WDR4: variants seen among roughly 807,000 people sequenced by gnomAD.
WDR4 encodes the protein tRNA (guanine-N(7)-)-methyltransferase non-catalytic subunit WDR4.
WDR4 carries 47 observed loss-of-function variants against 48.6 expected under a neutral mutation model. The observed-to-expected ratio is 0.97, with a 90% CI of 0.77 to 1.23. The LOEUF (loss-of-function observed/expected upper bound fraction) is 1.23. Among genes scored for constraint, WDR4 ranks in the 50% most tolerant of loss-of-function variants. WDR4 has a pLI of 0.00. For synonymous variants in WDR4, 268 were observed against 230.0 expected, an observed-to-expected ratio of 1.17 and a Z score of -1.49; for missense variants, 606 against 551.6, an observed-to-expected ratio of 1.10 and a Z score of -0.99.
In WDR4 at chr21:42,863,455, A is replaced by G. The variant is rs568342485; in HGVS notation, c.438T>C (p.Ser146=). Residue 146 remains serine, a synonymous_variant, in exon 4 of 11, where the codon TCT becomes TCC. Coordinates refer to ENST00000398208, the MANE Select transcript of WDR4 (RefSeq NM_018669.6). ...GCGRLELGHL[S]MLLDVAVSPD... ...CCCCACCTACCACATCTAACAGCAT[A>G]GACAGGTGCCCCAGCTCTAGACGGC... is the stretch of plus-strand genomic sequence containing the variant. 4 of 1,613,108 alleles carry G rather than the reference A, an allele frequency of 2.5e-6. No homozygotes were observed. In the South Asian group the frequency reaches 4.4e-5, roughly 18 times the overall value.
At chr21:42,850,428 T>C (rs562232517) in intron 10 of WDR4, among the ~76,000 whole-genome samples, 186 bp from the exon 11 acceptor site, 2 of 152,300 alleles carry the variant, frequency 1.3e-5, no homozygotes, top group Admixed American at 6.5e-5. Flanking sequence ...TGGCTGGACC[T>C]GAGGACTGGC....
At chr21:42,858,950 G>A (rs184929318) in intron 6 of WDR4, among the ~76,000 whole-genome samples, 127 of 152,260 alleles carry the variant, frequency 8.3e-4, no homozygotes, top group South Asian at 1.9e-3. Context: ...CAACAATTCC[G>A]CAAGAGGACA....
intron 1 of WDR4, among the ~76,000 whole-genome samples, chr21:42,878,765 G>A (rs536984543): frequency 1.3e-5 from 2 of 152,194 alleles, no homozygotes; most frequent in African/African-American, 2.4e-5. Flanking sequence ...TAAAATTACG[G>A]AAAGCAAAAC....
rs758568034 is a variant in WDR4, at chr21:42,850,086, T to C, written c.1202A>G (p.Lys401Arg). 1.3e-5 allele frequency: 21 copies of C among 1,614,030 alleles called. No individual in the cohort carries two copies. Among genetic ancestry groups the C allele is most frequent in the Non-Finnish European group, 1.6e-5 (19 of 1,180,014 alleles). Residue 401 changes from lysine (K) to arginine (R), a missense_variant, in exon 11 of 11, where the codon AAG (lysine) becomes AGG (arginine). Physicochemically the swap from Lys to Arg is conservative, Grantham distance 26. Transcript: ENST00000398208. Reference protein sequence around the residue: ...SPPPGPDGHAKKMRPGEATLS... With the variant: ...SPPPGPDGHARKMRPGEATLS... ...CGTCGCCTCCCCCGGTCTCATCTTC[T>C]TGGCATGCCCGTCGGGCCCAGGCGG...
At position 42,873,674 on chromosome 21, in the gene WDR4, T is replaced by G. The variant is rs767238158; in HGVS notation, c.173A>C (p.Asp58Ala). 8 of 1,613,992 alleles carry G rather than the reference T, an allele frequency of 5.0e-6. No homozygotes were observed. Among genetic ancestry groups the G allele is most frequent in the Non-Finnish European group, 6.8e-6 (8 of 1,179,954 alleles). The change falls in exon 3 of 11, where the codon GAC (aspartate) becomes GCC (alanine). Residue 58 changes from aspartate (D) to alanine (A), a missense_variant. Coordinates refer to ENST00000398208, the MANE Select transcript of WDR4 (RefSeq NM_018669.6). ...QENKGEDAPL[D>A]QGSGAILAST... ...CGCCAGAATCGCACCGCTCCCCTGG[T>G]CCAAGGGCGCGTCCTCCCTGAGGAA... is the stretch of plus-strand genomic sequence containing the variant.
rs566392545 is a variant in WDR4, at chr21:42,862,490, C to T, written c.454-96G>A. 1.9e-5 allele frequency: 23 copies of T among 1,187,552 alleles called. No homozygotes were observed. In the Admixed American group the frequency reaches 2.1e-4, roughly 11 times the overall value. The allele number at this position is 1,187,552 out of a possible 1,614,324, so 73.6% of individuals were successfully genotyped here. ...GAAGGCAGGGAAGCTGCAGCCTGGCCGCCAAGAGGATGAGGCCTTCGAGGA... is the reference window on the plus strand; with the variant it reads ...GAAGGCAGGGAAGCTGCAGCCTGGCTGCCAAGAGGATGAGGCCTTCGAGGA... On this transcript the variant is annotated intron_variant, in intron 4 of 10. Transcript: ENST00000398208. The surrounding 1 kb of genome is among the most constrained non-coding windows in gnomAD (Gnocchi z 4.3).
At chr21:42,889,832 C>T in the WDR4 span, among the ~76,000 whole-genome samples, 1 of 152,166 alleles carries the variant, frequency 6.6e-6, no homozygotes, top group African/African-American at 2.4e-5. Context: ...ACTGCAACCT[C>T]GGCCTCCTGG....
chr21:42,871,394 C>T (rs947982145), intron 3 of WDR4, among the ~76,000 whole-genome samples: 3 of 152,242 alleles, frequency 2.0e-5, no homozygotes, highest in African/African-American at 7.2e-5. Flanking sequence ...CAAGGCCAAC[C>T]TACTAGAAAG....
At chr21:42,845,912 T>G (rs2057707228), downstream of WDR4, among the ~76,000 whole-genome samples, 1 of 152,188 alleles carries the variant, frequency 6.6e-6, no homozygotes, top group African/African-American at 2.4e-5. Context: ...GCAGGAGGAC[T>G]GCTTGAGGCC....
At chr21:42,878,881 A>C in intron 1 of WDR4, 1 of 876,834 alleles carries the variant, frequency 1.1e-6, no homozygotes, top group Non-Finnish European at 1.4e-6. Flanking sequence ...GGAGCAATTA[A>C]GGCCAGGTGA....
In WDR4 at chr21:42,877,472, T is replaced by TAAA. The variant is rs34300654; in HGVS notation, c.90-708_90-706dup. Among the ~76,000 whole-genome samples, 12 of 134,066 alleles carry TAAA rather than the reference T, an allele frequency of 9.0e-5. No homozygotes were observed. In the South Asian group the frequency reaches 2.2e-3, roughly 24 times the overall value. The allele number at this position is 134,066 out of a possible 152,430, so 88.0% of individuals were successfully genotyped here. A position where few individuals can be genotyped will look rare whatever the true frequency, so the allele number is the denominator to read the frequency against. ...AATGATTTTTAAAAGAGCACTTTGT[T>TAAA]AAAAAAAAAAAAAAAAAGTTGATTT... On this transcript the variant is annotated intron_variant, in intron 1 of 10. Transcript: ENST00000398208.
Position 42,863,371 on chromosome 21 carries a change from C to T in WDR4, c.453+69G>A, listed in dbSNP as rs976182902. ...AGACATTGACTCAGCGTATGCCCCA[C>T]GTGCCACGTCCCCCATGTACCGTGT... On this transcript the variant is annotated intron_variant, in intron 4 of 10. Transcript: ENST00000398208. 43 of 1,539,566 alleles carry T rather than the reference C, an allele frequency of 2.8e-5. No individual in the cohort carries two copies. In the African/African-American group the frequency reaches 4.4e-4, roughly 16 times the overall value.
chr21:42,859,704 G>A lies in WDR4; in HGVS notation c.585C>T (p.Ser195=), dbSNP rs749119884. 8.4e-6 allele frequency: 13 copies of A among 1,539,530 alleles called. No homozygotes were observed. Among genetic ancestry groups the A allele is most frequent in the Admixed American group, 1.9e-5 (1 of 51,744 alleles). ...LGHTEFVSRI[S]VVPTQPGLLL... ...GCAGCCCGGGCTGAGTTGGCACCACGGAGATACGGCTCACAAACCTGTGAG... is the reference window on the plus strand; with the variant it reads ...GCAGCCCGGGCTGAGTTGGCACCACAGAGATACGGCTCACAAACCTGTGAG... Residue 195 remains serine, a synonymous_variant, in exon 6 of 11, where the codon TCC becomes TCT. Coordinates refer to ENST00000398208, the MANE Select transcript of WDR4 (RefSeq NM_018669.6).
chr21:42,884,359 C>T (rs745521469), upstream of WDR4, among the ~76,000 whole-genome samples: 20 of 152,068 alleles, frequency 1.3e-4, no homozygotes. Flanking sequence ...GATTGCGCCA[C>T]TGCACTCCAG....
intron 3 of WDR4, among the ~76,000 whole-genome samples, chr21:42,866,966 C>A (rs1417051877): frequency 1.3e-5 from 2 of 152,168 alleles, no homozygotes; most frequent in Admixed American, 1.3e-4. Context: ...TCAGGAGAAA[C>A]CCCAAGCCAC....
At chr21:42,865,411 G>A (rs766458744) in intron 3 of WDR4, among the ~76,000 whole-genome samples, 14 of 152,236 alleles carry the variant, frequency 9.2e-5, no homozygotes, top group Middle Eastern at 3.4e-3. Context: ...CCACAGGGAG[G>A]GGGGATGGAC....
In WDR4 at chr21:42,855,692, T is replaced by TG. The variant is rs1439349668; in HGVS notation, c.715dup (p.Gln239ProfsTer91). 2.6e-6 allele frequency: 4 copies of TG among 1,552,386 alleles called. No homozygotes were observed. The highest frequency in any genetic ancestry group is 3.5e-6 in the Non-Finnish European group (4 of 1,147,226). ...AACAGAAGCAGCTACCTGGGGGGCC[T>TG]GGGGGTCCACCAGCTCCTGCAGACT... On this transcript the variant is annotated frameshift_variant, in exon 7 of 11. Transcript: ENST00000398208. LOFTEE classifies it high-confidence loss of function.
chr21:42,879,133 T>C (rs1225548978), intron 1 of WDR4: 4 of 1,230,768 alleles, frequency 3.2e-6, no homozygotes, highest in African/African-American at 1.6e-5. Context: ...CCGGCGGCGC[T>C]AACCGGGCAA....
the WDR4 span, among the ~76,000 whole-genome samples, chr21:42,884,653 A>C: frequency 6.6e-6 from 1 of 152,106 alleles, no homozygotes; most frequent in Non-Finnish European, 1.5e-5. Context: ...CCTCAAAAAA[A>C]AAAAAGTCCT....
Sources: allele counts gnomAD v4.1 joint callset (sites outside exome capture counted in the v4.1 genomes callset), GRCh38; gene constraint gnomAD v4.1.1; non-coding constraint Gnocchi (gnomAD v3.1); transcripts MANE v1.5; gene names NCBI Gene and HGNC (gene_info 2026-07-23, HGNC 2026-07-21).